The following CGA variants were observed in gnomAD, a reference collection of about 807,000 sequenced individuals.
CGA encodes glycoprotein hormones, alpha polypeptide.
A neutral mutation model predicts 12.0 loss-of-function variants in CGA; 4 were observed. That is an observed-to-expected ratio of 0.33 (90% CI 0.16 to 0.76). The LOEUF (loss-of-function observed/expected upper bound fraction) is 0.76, where lower values mean the gene tolerates loss of function less well. CGA is among the 30% of genes least tolerant of loss of function. The probability of loss-of-function intolerance (pLI) is 0.60; values close to 1 mark genes in which losing one functional copy is unlikely to be tolerated. For synonymous variants in CGA, 60 were observed against 56.6 expected (o/e 1.06, Z -0.27); for missense variants, 102 against 143.5 (o/e 0.71, Z 1.48).
intron 1 of CGA, among the ~76,000 whole-genome samples, chr6:87,089,479 G>A (rs114485483): frequency 0.016 from 2,502 of 152,278 alleles, 72 homozygotes; most frequent in African/African-American, 0.057. Context: ...AATTTTCAAT[G>A]AGGGAACAAG....
At chr6:87,093,571 A>G (rs1164569958) in intron 1 of CGA, among the ~76,000 whole-genome samples, 1 of 152,238 alleles carries the variant, frequency 6.6e-6, no homozygotes, top group Admixed American at 6.5e-5. Flanking sequence ...GTTTGGTGCT[A>G]TGAACCATGC....
At chr6:87,086,069 C>G in intron 3 of CGA, 181 bp downstream of exon 3, 2 of 667,280 alleles carry the variant, frequency 3.0e-6, no homozygotes. Flanking sequence ...TAAATCCAGT[C>G]TATACCCACA....
intron 2 of CGA, among the ~76,000 whole-genome samples, chr6:87,087,270 A>G (rs1352758836): frequency 6.6e-6 from 1 of 152,218 alleles, no homozygotes; most frequent in African/African-American, 2.4e-5. Context: ...TTCATGGGAA[A>G]TAAAACTTAA....
At chr6:87,086,006 C>T (rs1024986006) in intron 3 of CGA, 173 bp from the exon 4 acceptor site, 2 of 667,778 alleles carry the variant, frequency 3.0e-6, no homozygotes, top group South Asian at 1.9e-5. Context: ...GTAAGCTGTA[C>T]TTTCTCCCAA....
Position 87,085,740 on chromosome 6 carries a change from G to C in CGA, c.*16C>G, listed in dbSNP as rs951460114. The C allele has an allele frequency of 6.3e-7, 1 of 1,576,964 alleles. No individual in the cohort carries two copies. The highest frequency in any genetic ancestry group is 8.7e-7 in the Non-Finnish European group (1 of 1,147,554). On this transcript the variant is annotated 3_prime_UTR_variant, in exon 4 of 4. Coordinates refer to ENST00000627148, the MANE Select transcript of CGA (RefSeq NM_000735.4). ...CAGAAAATCAGCAGTCATCAAGACA[G>C]CACTTGGTAAAACATTTAAGATTTG...
chr6:87,092,259 T>C (rs1769445995), intron 1 of CGA, among the ~76,000 whole-genome samples: 1 of 152,142 alleles, frequency 6.6e-6, no homozygotes, highest in South Asian at 2.1e-4. Flanking sequence ...CAAACAGTGG[T>C]ATGTCTGTCT....
At chr6:87,092,521 AAAAG>A (rs1337093147) in intron 1 of CGA, among the ~76,000 whole-genome samples, 3 of 109,082 alleles carry the variant, frequency 2.8e-5, no homozygotes, top group Non-Finnish European at 5.7e-5. Context: ...TTGAAAACAA[AAAAG>A]AGAGAGAGAG....
intron 1 of CGA, among the ~76,000 whole-genome samples, chr6:87,089,371 T>TTA (rs1048297538): frequency 1.5e-5 from 2 of 134,694 alleles, no homozygotes; most frequent in South Asian, 4.9e-4. Flanking sequence ...AGCACTAGTA[T>TTA]TATGTGTGTG....
intron 2 of CGA, chr6:87,087,809 T>C (rs1769351930): frequency 5.2e-6 from 1 of 193,728 alleles, no homozygotes; most frequent in South Asian, 1.9e-4. Flanking sequence ...ATGTAAAAAA[T>C]AACTGAGCTA....
chr6:87,088,213 G>C lies in CGA; in HGVS notation c.-7-6C>G, dbSNP rs1396145673. On this transcript the variant is annotated splice_polypyrimidine_tract_variant and splice_region_variant and intron_variant, in intron 1 of 3. Transcript: ENST00000627148. ...TGTAGTAATCCATGGCGCTCCTGCAGACAGACATGGCAAAAAAAAAAAAAC... is the reference window on the plus strand; with the variant it reads ...TGTAGTAATCCATGGCGCTCCTGCACACAGACATGGCAAAAAAAAAAAAAC... 4 of 1,212,770 alleles carry C rather than the reference G, an allele frequency of 3.3e-6. No individual in the cohort carries two copies. The highest frequency in any genetic ancestry group is 3.3e-6 in the Non-Finnish European group (3 of 918,660). 75.1% of individuals were successfully genotyped at this position (1,212,770 alleles called of 1,614,324 possible).
Position 87,085,846 on chromosome 6 carries a change from G to GA in CGA, c.274-14dup, listed in dbSNP as rs746918390. 1.9e-3 allele frequency: 2,827 copies of GA among 1,510,032 alleles called. 2 individuals are homozygous for GA. The highest frequency in any genetic ancestry group is 6.3e-3 in the East Asian group (276 of 43,554). 93.5% of individuals were successfully genotyped at this position (1,510,032 alleles called of 1,614,324 possible). The stretch of plus-strand genomic sequence containing the variant: ...CCATTACTGTGACCTAAAGGGGAAG[G>GA]AAAAAAAAACATATTATAGATTAGA... On this transcript the variant is annotated splice_polypyrimidine_tract_variant and intron_variant, in intron 3 of 3. Transcript: ENST00000627148.
At chr6:87,094,936 A>G (rs2127756206) in intron 1 of CGA, 77 bp downstream of exon 1, 1 of 152,358 alleles carries the variant, frequency 6.6e-6, no homozygotes, top group African/African-American at 2.4e-5. Context: ...ATATGCAGAG[A>G]CTTTGGAATC....
intron 1 of CGA, among the ~76,000 whole-genome samples, chr6:87,092,166 G>T (rs1251219465): frequency 6.6e-6 from 1 of 151,784 alleles, no homozygotes; most frequent in Non-Finnish European, 1.5e-5. Context: ...TTACTGCTAT[G>T]GCAGATTGTA....
At chr6:87,090,774 A>G (rs914518273) in intron 1 of CGA, among the ~76,000 whole-genome samples, 1 of 151,060 alleles carries the variant, frequency 6.6e-6, no homozygotes, top group Non-Finnish European at 1.5e-5. Flanking sequence ...AATAGCTGGG[A>G]CTACAGGCAC....
chr6:87,093,590 A>G (rs765144730), intron 1 of CGA, among the ~76,000 whole-genome samples: 4 of 152,208 alleles, frequency 2.6e-5, no homozygotes, highest in African/African-American at 9.6e-5. Flanking sequence ...GCTGTTCTCA[A>G]AAGAAATGTA....
chr6:87,085,955 C>T (rs1218389642), intron 3 of CGA, 122 bp from the exon 4 acceptor site: 3 of 750,802 alleles, frequency 4.0e-6, no homozygotes, highest in Non-Finnish European at 6.9e-6. Context: ...ATGCATACTA[C>T]ATTTGCACAG....
intron 1 of CGA, among the ~76,000 whole-genome samples, chr6:87,089,838 T>C (rs1201415903): frequency 6.6e-6 from 1 of 152,218 alleles, no homozygotes; most frequent in East Asian, 1.9e-4. Context: ...CACATATAAG[T>C]ACTTAACAGA....
chr6:87,086,941 T>A (rs1021059323), intron 2 of CGA, among the ~76,000 whole-genome samples: 1 of 152,080 alleles, frequency 6.6e-6, no homozygotes, highest in South Asian at 2.1e-4. Context: ...TCGCTGGGCA[T>A]GGTGGCAGGT....
At chr6:87,089,138 T>A in intron 1 of CGA, 1 of 152,210 alleles carries the variant, frequency 6.6e-6, no homozygotes, top group Non-Finnish European at 1.5e-5. Context: ...GAATGCAGGC[T>A]GAATACTATA....
Sources: gnomAD v4.1 joint callset for allele counts (sites outside exome capture counted in the v4.1 genomes callset) on GRCh38, gnomAD v4.1.1 for gene constraint, MANE v1.5 for transcripts, NCBI Gene and HGNC (gene_info 2026-07-23, HGNC 2026-07-21) for gene names.